The following COG6 variants were observed in gnomAD, a reference collection of about 807,000 sequenced individuals.
COG6 encodes the protein conserved oligomeric Golgi complex subunit 6.
A neutral mutation model predicts 88.8 loss-of-function variants in COG6; 74 were observed. The observed-to-expected ratio is 0.83, with a 90% CI of 0.69 to 1.01. COG6 has a LOEUF of 1.01. COG6 is among the 50% of genes least tolerant of loss of function. COG6 has a pLI of 0.00. For missense variants in COG6, 800 were observed against 797.9 expected, an observed-to-expected ratio of 1.00 and a Z score of -0.03; for synonymous variants, 286 against 278.7, an observed-to-expected ratio of 1.03 and a Z score of -0.26.
chr13:39,699,982 T>C (rs954208832), intron 13 of COG6, among the ~76,000 whole-genome samples: 5 of 151,894 alleles, frequency 3.3e-5, no homozygotes, highest in African/African-American at 9.7e-5. Context: ...AAACAGCTTA[T>C]ATTTTTACCC....
At chr13:39,704,390 A>G (rs1877767601) in intron 13 of COG6, among the ~76,000 whole-genome samples, 1 of 152,192 alleles carries the variant, frequency 6.6e-6, no homozygotes, top group African/African-American at 2.4e-5. Flanking sequence ...TGTTGTATGT[A>G]TTATACACTG....
intron 12 of COG6, among the ~76,000 whole-genome samples, chr13:39,696,324 A>G (rs1877272878): frequency 6.6e-6 from 1 of 152,000 alleles, no homozygotes; most frequent in African/African-American, 2.4e-5. Flanking sequence ...AAGCAAGTAC[A>G]AAATAATAAT....
At position 39,699,550 on chromosome 13, in the gene COG6, A is replaced by G; in HGVS notation, c.1216A>G (p.Met406Val). 6.3e-7 allele frequency: 1 copy of G among 1,598,730 alleles called. No individual in the cohort carries two copies. Among genetic ancestry groups the G allele is most frequent in the South Asian group, 1.1e-5 (1 of 90,688 alleles). ...ATALLTTIEEMHLLSKKIFFN... is the reference protein window; with the variant it reads ...ATALLTTIEEVHLLSKKIFFN... ...TGCATTATTGACTACCATTGAAGAA[A>G]TGCATTTGCTAAGCAAAAAAATATT... Residue 406 changes from methionine (M) to valine (V), a missense_variant, in exon 13 of 19, where the codon ATG becomes GTG. Coordinates refer to ENST00000455146, the MANE Select transcript of COG6 (RefSeq NM_020751.3).
chr13:39,692,500 T>C (rs920593137), intron 11 of COG6, among the ~76,000 whole-genome samples: 1 of 152,052 alleles, frequency 6.6e-6, no homozygotes, highest in African/African-American at 2.4e-5. Flanking sequence ...AATATAGTCA[T>C]TGGACCCTCA....
At chr13:39,689,959 A>G in intron 11 of COG6, 135 bp downstream of exon 11, 1 of 523,004 alleles carries the variant, frequency 1.9e-6, no homozygotes, top group Non-Finnish European at 3.5e-6. Context: ...ATGTAGACTA[A>G]TAAGAAACAT....
At chr13:39,754,285 A>T (rs567230109), downstream of COG6, among the ~76,000 whole-genome samples, 7 of 152,168 alleles carry the variant, frequency 4.6e-5, no homozygotes, top group Non-Finnish European at 1.0e-4. Flanking sequence ...TGTTAGCTTA[A>T]ATGTCTTTAG....
intron 11 of COG6, among the ~76,000 whole-genome samples, chr13:39,690,998 A>G (rs1247303757): frequency 6.6e-6 from 1 of 151,886 alleles, no homozygotes; most frequent in Non-Finnish European, 1.5e-5. Context: ...ATAACTTCAT[A>G]TAGTTAAATT....
At chr13:39,742,902 G>A (rs575812441) in intron 18 of COG6, among the ~76,000 whole-genome samples, 18 of 152,234 alleles carry the variant, frequency 1.2e-4, no homozygotes, top group African/African-American at 3.6e-4. Flanking sequence ...ACAACAAACT[G>A]TCTCTCAGAC....
chr13:39,727,884 A>G (rs1179956103), intron 18 of COG6, among the ~76,000 whole-genome samples: 1 of 152,164 alleles, frequency 6.6e-6, no homozygotes, highest in Non-Finnish European at 1.5e-5. Context: ...AATCAATAAT[A>G]TATTCATTAT....
At chr13:39,744,300 G>A (rs1448726293) in intron 18 of COG6, among the ~76,000 whole-genome samples, 1 of 152,198 alleles carries the variant, frequency 6.6e-6, no homozygotes, top group Non-Finnish European at 1.5e-5. Context: ...ATTAGGAAAA[G>A]AGGAAGTCAA....
rs762370407 is a variant in COG6, at chr13:39,655,878, A to G, written c.152A>G (p.Lys51Arg). 4 of 1,606,792 alleles carry G rather than the reference A, an allele frequency of 2.5e-6. No individual in the cohort carries two copies. Among genetic ancestry groups the G allele is most frequent in the East Asian group, 2.2e-5 (1 of 44,662 alleles). Residue 51 changes from lysine (K) to arginine (R), a missense_variant and splice_region_variant, in exon 1 of 19, where the codon AAG becomes AGG. Transcript: ENST00000455146. ...KILETRLDND[K>R]EMLEALKALS... The stretch of plus-strand genomic sequence containing the variant: ...CTGGAGACGCGGCTGGACAACGACA[A>G]GGTAACCGGGGCTGGCGGGGCCGGA...
Position 39,744,371 on chromosome 13 carries a change from A to G in COG6, c.1827-6575A>G, listed in dbSNP as rs185897314. On this transcript the variant is annotated intron_variant, in intron 18 of 18. Transcript: ENST00000455146. ...TAGAAAACCCCATTTTCCCAGCCCA[A>G]AATCTCCTTACGCTGACAAGCAACT... 3.3e-5 allele frequency among the ~76,000 whole-genome samples: 5 copies of G among 152,322 alleles called. No homozygotes were observed. The East Asian group carries it at 7.7e-4, about 24-fold the overall frequency.
In COG6 at chr13:39,783,765, A is replaced by G. The variant is rs530807163; in HGVS notation, c.1827-4570A>G. Among the ~76,000 whole-genome samples the G allele has an allele frequency of 3.3e-5, 5 of 152,286 alleles. No individual in the cohort carries two copies. The South Asian group carries it at 8.3e-4, about 25-fold the overall frequency. ...CTCAGTTTAATCTCAGCACACCTGA[A>G]CATCATTTATCTATAGGCAGCTCCT... On this transcript the variant is annotated intron_variant, in intron 18 of 18. Transcript: ENST00000416691.
intron 3 of COG6, chr13:39,663,972 A>C (rs150468860): frequency 1.3e-5 from 2 of 154,110 alleles, no homozygotes; most frequent in African/African-American, 4.8e-5. Context: ...TCCTGGGAAC[A>C]TACACTCAAA....
chr13:39,708,664 G>A (rs10162010), intron 13 of COG6, among the ~76,000 whole-genome samples: 40,858 of 151,822 alleles, frequency 0.27, 5,690 homozygotes, highest in African/African-American at 0.35. Flanking sequence ...GATCCGTGTC[G>A]TAATGTCTGG....
chr13:39,692,359 A>G (rs1877028250), intron 11 of COG6, among the ~76,000 whole-genome samples: 1 of 151,964 alleles, frequency 6.6e-6, no homozygotes, highest in South Asian at 2.1e-4. Context: ...ACCAGCTATC[A>G]TTTGAATTTT....
At chr13:39,765,091 G>A (rs1388664969) in intron 18 of COG6, among the ~76,000 whole-genome samples, 2 of 152,064 alleles carry the variant, frequency 1.3e-5, no homozygotes, top group Middle Eastern at 3.2e-3. Context: ...TTAGAAGTAT[G>A]TTATTTGCAT....
rs1423349224 is a variant in COG6, at chr13:39,719,739, C to T, written c.1496C>T (p.Thr499Ile). ...AATTTAGGCACAGCTGACATGGCCA[C>T]TTTCATGGTCAATTCACTATATATG... is the stretch of plus-strand genomic sequence containing the variant. ...ASNLGTADMA[T>I]FMVNSLYMMK... The change falls in exon 15 of 19, where the codon ACT (threonine) becomes ATT (isoleucine). Residue 499 changes from threonine (T) to isoleucine (I), a missense_variant. By Grantham distance (89) the Thr-to-Ile change is moderately conservative. Transcript: ENST00000455146. The T allele has an allele frequency of 1.2e-6, 2 of 1,612,462 alleles. No homozygotes were observed. Among genetic ancestry groups the T allele is most frequent in the South Asian group, 1.1e-5 (1 of 91,050 alleles).
rs750776835 is a variant in COG6, at chr13:39,783,095, A to G, written c.1827-5240A>G. ...TCACATTAATTATGTCTTTTTTACA[A>G]TTACTTCATTATAGAAGAATGTATT... On this transcript the variant is annotated intron_variant, in intron 18 of 18. Transcript: ENST00000416691. 1.1e-4 allele frequency among the ~76,000 whole-genome samples: 17 copies of G among 152,156 alleles called. 1 individual carries two copies. The highest frequency in any genetic ancestry group is 4.1e-4 in the African/African-American group (17 of 41,446).
Sources: allele counts gnomAD v4.1 joint callset (sites outside exome capture counted in the v4.1 genomes callset), GRCh38; gene constraint gnomAD v4.1.1; transcripts MANE v1.5; gene names NCBI Gene and HGNC (gene_info 2026-07-23, HGNC 2026-07-21).